Variants in GALNT17 observed in about 807,000 individuals in gnomAD.
The protein encoded by GALNT17 is polypeptide N-acetylgalactosaminyltransferase 17, also known as UDP-GalNAc:polypeptide N-acetylgalactosaminyltransferase-like 3.
GALNT17 carries 29 observed loss-of-function variants against 63.7 expected under a neutral mutation model. That is an observed-to-expected ratio of 0.46 (90% CI 0.34 to 0.62). GALNT17 has a LOEUF of 0.62. Ranked by LOEUF, GALNT17 falls within the 20% of genes least tolerant of loss-of-function variation. The pLI, the probability that GALNT17 is intolerant of heterozygous loss-of-function variation, is 0.01. For missense variants in GALNT17, 603 were observed against 799.6 expected (o/e 0.75, Z 2.97); for synonymous variants, 305 against 318.3 (o/e 0.96, Z 0.45).
At chr7:71,575,186 A>G (rs1357779114) in intron 6 of GALNT17, among the ~76,000 whole-genome samples, 1 of 152,176 alleles carries the variant, frequency 6.6e-6, no homozygotes, top group African/African-American at 2.4e-5. Context: ...AATGAATTGC[A>G]TAATAAATGC....
chr7:71,530,295 T>C (rs1301105537), intron 5 of GALNT17, among the ~76,000 whole-genome samples: 1 of 152,200 alleles, frequency 6.6e-6, no homozygotes, highest in East Asian at 1.9e-4. Flanking sequence ...TGGTTAATTG[T>C]GAATTCATAG....
At position 71,219,289 on chromosome 7, in the gene GALNT17, A is replaced by T. The variant is rs192575638; in HGVS notation, c.238+86249A>T. The stretch of plus-strand genomic sequence containing the variant: ...TACTGCATTGTCATTAAGAGTGATG[A>T]AGAGCCCAAGAACCAGCCTCATTCT... On this transcript the variant is annotated intron_variant, in intron 1 of 10. Transcript: ENST00000333538. 6.6e-4 allele frequency among the ~76,000 whole-genome samples: 100 copies of T among 152,320 alleles called. 2 individuals carry two copies. The highest frequency in any genetic ancestry group is 2.4e-3 in the African/African-American group (98 of 41,574).
chr7:71,573,641 T>G (rs914416244), intron 6 of GALNT17, among the ~76,000 whole-genome samples: 4 of 152,134 alleles, frequency 2.6e-5, no homozygotes, highest in African/African-American at 9.7e-5. Flanking sequence ...GCCTATTTTA[T>G]TTTTTATTTT....
At chr7:71,490,024 G>A (rs1787979763) in intron 5 of GALNT17, among the ~76,000 whole-genome samples, 2 of 152,078 alleles carry the variant, frequency 1.3e-5, no homozygotes. Context: ...TTGGGAGGCC[G>A]AGGCGGGCAG....
intron 2 of GALNT17, among the ~76,000 whole-genome samples, chr7:71,365,374 T>C (rs1792484868): frequency 6.6e-6 from 1 of 152,204 alleles, no homozygotes; most frequent in East Asian, 1.9e-4. Flanking sequence ...TGAATACCTG[T>C]ACTACAGGCG....
At chr7:71,675,145 C>T (rs1791130122) in intron 8 of GALNT17, among the ~76,000 whole-genome samples, 1 of 152,042 alleles carries the variant, frequency 6.6e-6, no homozygotes, top group Admixed American at 6.6e-5. Flanking sequence ...GATTGCGCCA[C>T]TGCATTCCAG....
intron 2 of GALNT17, among the ~76,000 whole-genome samples, chr7:71,340,940 A>C (rs1002532443): frequency 6.6e-5 from 10 of 152,166 alleles, no homozygotes; most frequent in Non-Finnish European, 1.3e-4. Flanking sequence ...TGGGAGGCTG[A>C]GGCAGGAGAA....
In GALNT17 at chr7:71,479,273, C is replaced by CAAA. The variant is rs5884842; in HGVS notation, c.962+58178_962+58180dup. On this transcript the variant is annotated intron_variant, in intron 5 of 10. Transcript: ENST00000333538. ...TGACTCCATCTCTGTACCTGAATTA[C>CAAA]AAAAAAAAAAAATGTGGCAAGTAAA... is the stretch of plus-strand genomic sequence containing the variant. Among the ~76,000 whole-genome samples, 518 of 143,812 alleles carry CAAA rather than the reference C, an allele frequency of 3.6e-3. 2 individuals carry two copies. Among genetic ancestry groups the CAAA allele is most frequent in the African/African-American group, 0.012 (492 of 39,732 alleles). 94.3% of individuals were successfully genotyped at this position (143,812 alleles called of 152,430 possible). A position where few individuals can be genotyped will look rare whatever the true frequency, so the allele number is the denominator to read the frequency against.
intron 9 of GALNT17, among the ~76,000 whole-genome samples, chr7:71,679,388 T>C (rs1252391340): frequency 6.6e-6 from 1 of 152,038 alleles, no homozygotes; most frequent in Non-Finnish European, 1.5e-5. Flanking sequence ...AGTGAGACCT[T>C]GTCTCTTAAA....
At chr7:71,296,753 AATAT>A (rs1296870266) in intron 1 of GALNT17, among the ~76,000 whole-genome samples, 1 of 152,108 alleles carries the variant, frequency 6.6e-6, no homozygotes, top group African/African-American at 2.4e-5. Context: ...ATGTAAATAA[AATAT>A]ATCCTGTAAG....
intron 1 of GALNT17, among the ~76,000 whole-genome samples, chr7:71,232,792 T>C (rs1202643): frequency 0.74 from 112,356 of 151,980 alleles, 43,246 homozygotes; most frequent in East Asian, 0.99. Flanking sequence ...AATTTCTAGA[T>C]GAGGGGTGGT....
intron 1 of GALNT17, among the ~76,000 whole-genome samples, chr7:71,325,263 C>A (rs1791684672): frequency 6.6e-6 from 1 of 152,166 alleles, no homozygotes; most frequent in African/African-American, 2.4e-5. Flanking sequence ...AAGGTAGGAT[C>A]TCCCTGAGAC....
intron 1 of GALNT17, among the ~76,000 whole-genome samples, chr7:71,291,586 TAAC>T (rs1360071539): frequency 6.6e-6 from 1 of 152,200 alleles, no homozygotes; most frequent in Non-Finnish European, 1.5e-5. Context: ...TTTTATTTGT[TAAC>T]GTTTTCACTG....
chr7:71,689,013 G>A (rs1791402701), intron 9 of GALNT17, among the ~76,000 whole-genome samples: 1 of 152,040 alleles, frequency 6.6e-6, no homozygotes, highest in Non-Finnish European at 1.5e-5. Context: ...TTTTTCATTA[G>A]TATTGTATCT....
chr7:71,698,172 G>A (rs1331362610), intron 9 of GALNT17, among the ~76,000 whole-genome samples: 1 of 150,458 alleles, frequency 6.6e-6, no homozygotes, highest in East Asian at 1.9e-4. Flanking sequence ...GGTTGTATCA[G>A]TGAGCTTTTG....
chr7:71,408,952 C>G (rs1314671485), intron 3 of GALNT17, among the ~76,000 whole-genome samples: 1 of 149,088 alleles, frequency 6.7e-6, no homozygotes, highest in Non-Finnish European at 1.5e-5. Flanking sequence ...TATATATATA[C>G]TGTATATGTG....
chr7:71,496,847 G>C (rs1013586000), intron 5 of GALNT17, among the ~76,000 whole-genome samples: 5 of 152,120 alleles, frequency 3.3e-5, no homozygotes, highest in African/African-American at 1.2e-4. Flanking sequence ...GCCAAGGCAG[G>C]AGGATTGCTC....
chr7:71,149,657 G>A (rs981295603), intron 1 of GALNT17, among the ~76,000 whole-genome samples: 1 of 152,282 alleles, frequency 6.6e-6, no homozygotes, highest in South Asian at 2.1e-4. Context: ...AACAAAATGT[G>A]AGAAAAGTGA....
At chr7:71,677,738 A>G (rs979277362) in intron 9 of GALNT17, among the ~76,000 whole-genome samples, 1 of 151,980 alleles carries the variant, frequency 6.6e-6, no homozygotes, top group African/African-American at 2.4e-5. Flanking sequence ...GATGGTCTTC[A>G]TCTCCTGACC....
Sources: allele counts gnomAD v4.1 joint callset (sites outside exome capture counted in the v4.1 genomes callset), GRCh38; gene constraint gnomAD v4.1.1; transcripts MANE v1.5; gene names NCBI Gene and HGNC (gene_info 2026-07-23, HGNC 2026-07-21).